The following NAT2 variants were observed in gnomAD, a reference collection of about 807,000 sequenced individuals.
NAT2 encodes arylamine N-acetyltransferase 2.
For synonymous variants in NAT2, 137 were observed against 125.9 expected, an observed-to-expected ratio of 1.09 and a Z score of -0.59; for missense variants, 428 against 339.1, an observed-to-expected ratio of 1.26 and a Z score of -2.06.
At position 18,400,677 on chromosome 8, in the gene NAT2, T is replaced by A. The variant is rs762854719; in HGVS notation, c.674T>A (p.Leu225Ter). The change falls in exon 2 of 2, where the codon TTG becomes TAG. Residue 225 changes from leucine (L) to a stop codon, truncating the protein, a stop_gained. Coordinates refer to ENST00000286479, the MANE Select transcript of NAT2 (RefSeq NM_000015.3). LOFTEE classifies it low-confidence loss of function (END_TRUNC). ...TTTATAACCACATCATTTTGTTCCT[T>A]GCAGACCCCAGAAGGGGTTTACTGT... Reference protein sequence around the residue: ...SSFITTSFCSLQTPEGVYCLV... With the variant: ...SSFITTSFCS The A allele has an allele frequency of 1.9e-6, 3 of 1,614,036 alleles. No individual in the cohort carries two copies. The highest frequency in any genetic ancestry group is 2.5e-6 in the Non-Finnish European group (3 of 1,179,974).
At position 18,397,657 on chromosome 8, in the gene NAT2, T is replaced by A. The variant is rs1800716535; in HGVS notation, c.-6-2341T>A. Among the ~76,000 whole-genome samples the A allele has an allele frequency of 2.6e-5, 4 of 152,150 alleles. No homozygotes were observed. In the South Asian group the frequency reaches 8.3e-4, roughly 31 times the overall value. ...CCACAATACAAAACCAAAACATTGGTTAGAGCAATAAGGGTTTCTTAAAGT... is the reference window on the plus strand; with the variant it reads ...CCACAATACAAAACCAAAACATTGGATAGAGCAATAAGGGTTTCTTAAAGT... On this transcript the variant is annotated intron_variant, in intron 1 of 1. Transcript: ENST00000286479.
At chr8:18,386,373 C>A (rs146902378), upstream of NAT2, among the ~76,000 whole-genome samples, 15 of 152,358 alleles carry the variant, frequency 9.8e-5, no homozygotes, top group East Asian at 2.9e-3. Context: ...GCCCAACTTA[C>A]ATCCATGATC....
chr8:18,395,490 A>G (rs550283265), intron 1 of NAT2, among the ~76,000 whole-genome samples: 2 of 152,298 alleles, frequency 1.3e-5, no homozygotes, highest in South Asian at 4.1e-4. Context: ...TAGAACAAAT[A>G]AAGTTGAACA....
intron 1 of NAT2, among the ~76,000 whole-genome samples, chr8:18,396,561 A>G (rs1016558915): frequency 5.3e-5 from 8 of 151,888 alleles, no homozygotes; most frequent in African/African-American, 1.9e-4. Flanking sequence ...ACACCCGCCT[A>G]ATTTTTGTAT....
At chr8:18,391,241 C>G (rs1264913253), upstream of NAT2, 1 of 152,270 alleles carries the variant, frequency 6.6e-6, no homozygotes, top group African/African-American at 2.4e-5. Context: ...ATACGGAATT[C>G]CAGTGAGATC....
At chr8:18,392,222 G>A (rs1020290376) in intron 1 of NAT2, among the ~76,000 whole-genome samples, 68 of 152,318 alleles carry the variant, frequency 4.5e-4, no homozygotes, top group Non-Finnish European at 1.6e-4. Context: ...AGAACTAATA[G>A]GATAGATGTA....
intron 1 of NAT2, among the ~76,000 whole-genome samples, chr8:18,396,574 T>G (rs1425295959): frequency 6.6e-6 from 1 of 152,140 alleles, no homozygotes; most frequent in African/African-American, 2.4e-5. Flanking sequence ...TTTTGTATTT[T>G]TAGTAGAGAC....
At chr8:18,391,236 G>C (rs1434512739), upstream of NAT2, 1 of 152,150 alleles carries the variant, frequency 6.6e-6, no homozygotes, top group Non-Finnish European at 1.5e-5. Flanking sequence ...GGGTGATACG[G>C]AATTCCAGTG....
At chr8:18,393,070 CCA>C (rs774281148) in intron 1 of NAT2, among the ~76,000 whole-genome samples, 20 of 151,766 alleles carry the variant, frequency 1.3e-4, no homozygotes, top group Non-Finnish European at 2.5e-4. Flanking sequence ...TTTTGCAATG[CCA>C]CTTCTGCTTG....
At position 18,400,150 on chromosome 8, in the gene NAT2, G is replaced by A. The variant is rs1800763102; in HGVS notation, c.147G>A (p.Glu49=). 6.2e-7 allele frequency: 1 copy of A among 1,613,918 alleles called. No individual in the cohort carries two copies. Among genetic ancestry groups the A allele is most frequent in the Non-Finnish European group, 8.5e-7 (1 of 1,179,964 alleles). The part of the protein sequence containing the change: ...NLNMHCGQAM[E]LGLEAIFDHI... ...ACATGCATTGTGGGCAAGCCATGGAGTTGGGCTTAGAGGCTATTTTTGATC... is the reference window on the plus strand; with the variant it reads ...ACATGCATTGTGGGCAAGCCATGGAATTGGGCTTAGAGGCTATTTTTGATC... The change falls in exon 2 of 2, where the codon GAG becomes GAA. Residue 49 remains glutamate (E), a synonymous_variant. Coordinates refer to ENST00000286479, the MANE Select transcript of NAT2 (RefSeq NM_000015.3).
intron 1 of NAT2, among the ~76,000 whole-genome samples, chr8:18,395,603 G>A (rs1343982579): frequency 6.6e-6 from 1 of 152,092 alleles, no homozygotes; most frequent in Non-Finnish European, 1.5e-5. Flanking sequence ...AAAAGATAAT[G>A]AGGTCAACAA....
intron 1 of NAT2, among the ~76,000 whole-genome samples, chr8:18,396,032 T>C (rs909387949): frequency 2.6e-5 from 4 of 151,658 alleles, no homozygotes. Flanking sequence ...GAAAATCTTA[T>C]TCAAAGGAAA....
At chr8:18,387,750 C>T (rs1224814413), upstream of NAT2, 2 of 153,286 alleles carry the variant, frequency 1.3e-5, no homozygotes, top group South Asian at 2.1e-4. Flanking sequence ...GTCCTGGCCC[C>T]GGGCCTCCTG....
chr8:18,400,314 G>A lies in NAT2; in HGVS notation c.311G>A (p.Gly104Asp). The change falls in exon 2 of 2, where the codon GGC (glycine) becomes GAC (aspartate). Residue 104 changes from glycine to aspartate, a missense_variant. By Grantham distance (94) the Gly-to-Asp change is moderately conservative (BLOSUM62 -1). Transcript: ENST00000286479. Reference protein sequence around the residue: ...YIPPVNKYSTGMVHLLLQVTI... With the variant: ...YIPPVNKYSTDMVHLLLQVTI... ...CCTCCAGTTAACAAATACAGCACTG[G>A]CATGGTTCACCTTCTCCTGCAGGTG... 1.2e-6 allele frequency: 2 copies of A among 1,613,762 alleles called. No individual in the cohort carries two copies. The highest frequency in any genetic ancestry group is 4.5e-5 in the East Asian group (2 of 44,872).
chr8:18,387,058 G>T (rs1020800993), upstream of NAT2: 2 of 152,400 alleles, frequency 1.3e-5, no homozygotes, highest in Admixed American at 6.5e-5. Flanking sequence ...CCAGGCCAGG[G>T]ACACGCTGGG....
At chr8:18,386,955 C>G (rs924947229), upstream of NAT2, among the ~76,000 whole-genome samples, 15 of 152,298 alleles carry the variant, frequency 9.8e-5, no homozygotes, top group East Asian at 2.7e-3. Context: ...CCGAGTTCCA[C>G]GGAGGTTGAG....
chr8:18,395,459 G>C (rs1800668031), intron 1 of NAT2, among the ~76,000 whole-genome samples: 1 of 152,042 alleles, frequency 6.6e-6, no homozygotes, highest in Admixed American at 6.6e-5. Context: ...AAACATACTA[G>C]TAACAGGTTT....
upstream of NAT2, among the ~76,000 whole-genome samples, chr8:18,390,751 T>TA (rs1276584700): frequency 1.3e-5 from 2 of 152,090 alleles, no homozygotes; most frequent in Non-Finnish European, 2.9e-5. Flanking sequence ...AGCCATATGA[T>TA]ACATGTGACA....
intron 1 of NAT2, among the ~76,000 whole-genome samples, chr8:18,397,995 A>G (rs115476329): frequency 1.6e-3 from 237 of 152,258 alleles, no homozygotes; most frequent in African/African-American, 5.4e-3. Context: ...TTTTCCTCCT[A>G]TGAGTAAGGG....
Sources: allele counts gnomAD v4.1 joint callset (sites outside exome capture counted in the v4.1 genomes callset), GRCh38; gene constraint gnomAD v4.1.1; transcripts MANE v1.5; gene names NCBI Gene and HGNC (gene_info 2026-07-23, HGNC 2026-07-21).